Variants in EIF4G3 observed in about 807,000 individuals in gnomAD.
The protein encoded by EIF4G3 is eIF-4-gamma 3.
In EIF4G3, 34 loss-of-function variants were observed where a neutral mutation model predicts 186.4. The ratio of observed to expected loss-of-function variants is 0.18; its 90% CI spans 0.14 to 0.24. The LOEUF is 0.24. EIF4G3 is among the 10% of genes least tolerant of loss of function. The pLI is 1.00. For missense variants in EIF4G3, 1,536 were observed against 1,948.5 expected, an observed-to-expected ratio of 0.79 and a Z score of 3.99; for synonymous variants, 673 against 679.5, an observed-to-expected ratio of 0.99 and a Z score of 0.15.
chr1:21,069,610 A>G (rs1228079740), intron 3 of EIF4G3, among the ~76,000 whole-genome samples: 2 of 152,248 alleles, frequency 1.3e-5, no homozygotes, highest in Non-Finnish European at 2.9e-5. Flanking sequence ...AAGCTCCAAG[A>G]GGCCAGAGGA....
intron 7 of EIF4G3, among the ~76,000 whole-genome samples, chr1:20,995,660 C>T (rs2082137283): frequency 6.6e-6 from 1 of 152,214 alleles, no homozygotes; most frequent in Non-Finnish European, 1.5e-5. Context: ...GTTTGAGCAA[C>T]CGTACCTGGC....
chr1:20,929,589 C>T (rs1486536805), intron 14 of EIF4G3: 1 of 152,232 alleles, frequency 6.6e-6, no homozygotes, highest in Admixed American at 6.5e-5. Context: ...GCTCTTAATA[C>T]AAGCTGAAAA....
At chr1:21,068,386 A>AAAAAAAAAAAAAAC in intron 3 of EIF4G3, among the ~76,000 whole-genome samples, 1 of 149,052 alleles carries the variant, frequency 6.7e-6, no homozygotes, top group Non-Finnish European at 1.5e-5. Context: ...AAAAAAAAAA[A>AAAAAAAAAAAAAAC]AAAAAAAAAA....
At chr1:20,884,366 CT>C (rs1213756739) in intron 19 of EIF4G3, among the ~76,000 whole-genome samples, 1 of 152,020 alleles carries the variant, frequency 6.6e-6, no homozygotes, top group Admixed American at 6.6e-5. Context: ...ACTTTTGAAG[CT>C]TCAGTTTCCT....
chr1:21,041,551 CA>C (rs2093581064), intron 4 of EIF4G3, among the ~76,000 whole-genome samples: 1 of 152,068 alleles, frequency 6.6e-6, no homozygotes, highest in Non-Finnish European at 1.5e-5. Context: ...AGAAGATGGG[CA>C]ATTTTCATGG....
At chr1:20,937,266 G>A (rs1490956281) in intron 14 of EIF4G3, among the ~76,000 whole-genome samples, 1 of 152,196 alleles carries the variant, frequency 6.6e-6, no homozygotes, top group Non-Finnish European at 1.5e-5. Context: ...AGAGAAGATT[G>A]CTGTTACCCT....
At chr1:20,807,764 T>G (rs1158504541) in intron 36 of EIF4G3, among the ~76,000 whole-genome samples, 6 of 140,806 alleles carry the variant, frequency 4.3e-5, no homozygotes, top group East Asian at 4.1e-4. Context: ...TGTTTTTTTT[T>G]TTTTTTTTTT....
intron 20 of EIF4G3, among the ~76,000 whole-genome samples, chr1:20,868,600 A>G (rs1320827964): frequency 6.6e-6 from 1 of 152,184 alleles, no homozygotes; most frequent in Admixed American, 6.5e-5. Flanking sequence ...AGATGCATGC[A>G]AATATGATCA....
intron 13 of EIF4G3, among the ~76,000 whole-genome samples, chr1:20,942,894 T>C (rs2154562492): frequency 6.6e-6 from 1 of 152,362 alleles, no homozygotes; most frequent in South Asian, 2.1e-4. Flanking sequence ...TAATGAAATT[T>C]ACTATCAGTG....
At chr1:20,831,211 T>C (rs2065068840) in intron 30 of EIF4G3, among the ~76,000 whole-genome samples, 1 of 152,188 alleles carries the variant, frequency 6.6e-6, no homozygotes, top group Admixed American at 6.5e-5. Context: ...CACTTCATTT[T>C]ATTTACTGGG....
chr1:20,991,433 T>A (rs942661231), intron 7 of EIF4G3, among the ~76,000 whole-genome samples: 1 of 152,092 alleles, frequency 6.6e-6, no homozygotes, highest in Non-Finnish European at 1.5e-5. Context: ...TAGGGTGTGG[T>A]AGCTCACACC....
intron 16 of EIF4G3, 88 bp downstream of exon 16, chr1:20,899,609 T>A: frequency 1.4e-6 from 2 of 1,474,802 alleles, no homozygotes; most frequent in South Asian, 1.3e-5. Context: ...CTTTCTTCCA[T>A]CCAGTATCTC....
Position 20,879,494 on chromosome 1 carries a change from G to A in EIF4G3, c.2451C>T (p.Ile817=). The change falls in exon 20 of 37, where the codon ATC becomes ATT. Residue 817 remains isoleucine, a synonymous_variant. Transcript: ENST00000602326. The part of the protein sequence containing the change: ...TQELFRKVRS[I]LNKLTPQMFN... Reference sequence around the variant, plus strand: ...ACATCTGTGGTGTCAATTTATTTAAGATACTTCGAACTTTTCTAAAAAGCT... The same window carrying A: ...ACATCTGTGGTGTCAATTTATTTAAAATACTTCGAACTTTTCTAAAAAGCT... The A allele has an allele frequency of 6.8e-7, 1 of 1,471,822 alleles. No individual in the cohort carries two copies. Among genetic ancestry groups the A allele is most frequent in the Non-Finnish European group, 9.0e-7 (1 of 1,105,548 alleles). The allele number at this position is 1,471,822 out of a possible 1,614,324, so 91.2% of individuals were successfully genotyped here. A position where few individuals can be genotyped will look rare whatever the true frequency, so the allele number is the denominator to read the frequency against.
intron 35 of EIF4G3, among the ~76,000 whole-genome samples, 200 bp downstream of exon 35, chr1:20,812,958 A>G (rs2059567186): frequency 6.6e-6 from 1 of 152,250 alleles, no homozygotes; most frequent in Admixed American, 6.5e-5. Flanking sequence ...AGCTGGTTAG[A>G]TCTGGGTTCT....
At chr1:21,039,028 C>T (rs1157055320) in intron 4 of EIF4G3, among the ~76,000 whole-genome samples, 2 of 152,152 alleles carry the variant, frequency 1.3e-5, no homozygotes, top group Non-Finnish European at 2.9e-5. Flanking sequence ...CTAAACGTCT[C>T]AAACCTGGAT....
intron 2 of EIF4G3, among the ~76,000 whole-genome samples, chr1:21,090,786 G>C (rs2096170201): frequency 6.6e-6 from 1 of 152,148 alleles, no homozygotes; most frequent in African/African-American, 2.4e-5. Context: ...TTCTTAAAGT[G>C]AAAGACTCAA....
In EIF4G3 at chr1:21,029,961, T is replaced by A. The variant is rs147789358; in HGVS notation, c.-67+20905A>T. On this transcript the variant is annotated intron_variant, in intron 4 of 36. Transcript: ENST00000602326. ...GCCATGAACTCCTGGGCTCAGGGGA[T>A]CCTCCTACCTCAGCCTCCCAAGTAG... is the stretch of plus-strand genomic sequence containing the variant. Among the ~76,000 whole-genome samples the A allele has an allele frequency of 4.5e-4, 68 of 152,250 alleles. No individual in the cohort carries two copies. In the East Asian group the frequency reaches 0.012, roughly 27 times the overall value.
intron 2 of EIF4G3, among the ~76,000 whole-genome samples, chr1:21,130,212 A>ATC: frequency 8.2e-6 from 1 of 121,960 alleles, no homozygotes; most frequent in East Asian, 2.7e-4. Context: ...AGGAGACCCC[A>ATC]TCTCTTTTTT....
rs548090309 is a variant in EIF4G3 at position 20,880,585 on chromosome 1, TA to T, written c.2425-1066del. On this transcript the variant is annotated intron_variant, in intron 19 of 36. Coordinates refer to ENST00000602326, the MANE Select transcript of EIF4G3 (RefSeq NM_001391906.1). ...GGCCGACATGGCAAAACCCCATCTG[TA>T]CTAAAAATAGAAAAATTAGCTGGGT... 2.0e-3 allele frequency among the ~76,000 whole-genome samples: 299 copies of T among 152,222 alleles called. 1 individual carries two copies. Among genetic ancestry groups the T allele is most frequent in the Non-Finnish European group, 3.1e-3 (211 of 68,004 alleles).
Sources: allele counts gnomAD v4.1 joint callset (sites outside exome capture counted in the v4.1 genomes callset), GRCh38; gene constraint gnomAD v4.1.1; transcripts MANE v1.5; gene names NCBI Gene and HGNC (gene_info 2026-07-23, HGNC 2026-07-21).